MBNL3: variants seen among roughly 807,000 people sequenced by gnomAD.
MBNL3 encodes muscleblind-like protein 3.
In MBNL3, 6 loss-of-function variants were observed where a neutral mutation model predicts 24.5. That is an observed-to-expected ratio of 0.25 (90% CI 0.13 to 0.48). The LOEUF (loss-of-function observed/expected upper bound fraction) is 0.48. Ranked by LOEUF, MBNL3 falls within the 20% of genes least tolerant of loss-of-function variation. The pLI, the probability that MBNL3 is intolerant of heterozygous loss-of-function variation, is 0.99. For synonymous variants in MBNL3, 100 were observed against 101.7 expected (o/e 0.98, Z 0.10); for missense variants, 230 against 293.5 (o/e 0.78, Z 1.58).
chrX:132,455,829 G>A (rs1037783218), intron 1 of MBNL3, among the ~76,000 whole-genome samples: 13 of 111,908 alleles, frequency 1.2e-4, no homozygotes, highest in Non-Finnish European at 2.1e-4. Context: ...AAAGGCAATC[G>A]CTTGCTTCTG....
chrX:132,406,924 T>C (rs907807289), intron 2 of MBNL3, among the ~76,000 whole-genome samples: 1 of 111,911 alleles, frequency 8.9e-6, no homozygotes, highest in Non-Finnish European at 1.9e-5. Context: ...ATAAACCTTT[T>C]AAGAAAGCAC....
chrX:132,393,169 G>A (rs1357274166), intron 3 of MBNL3, among the ~76,000 whole-genome samples: 1 of 110,523 alleles, frequency 9.0e-6, no homozygotes, highest in African/African-American at 3.3e-5. Context: ...ATTTTTAAGT[G>A]TACAAGAAAT....
rs1934444048 is a variant in MBNL3 at position 132,379,330 on chromosome X, A to G, written c.*336T>C. 5.1e-6 allele frequency: 1 copy of G among 195,199 alleles called. No homozygotes were observed. Among genetic ancestry groups the G allele is most frequent in the Non-Finnish European group, 9.3e-6 (1 of 107,615 alleles). The allele number at this position is 195,199 out of a possible 1,213,427, so 16.1% of individuals were successfully genotyped here. Reference sequence around the variant, plus strand: ...CCACCAAGAATGTATATAGTAAGCCAAAAGCTCACTGTGGAAATACACTTA... The same window carrying G: ...CCACCAAGAATGTATATAGTAAGCCGAAAGCTCACTGTGGAAATACACTTA... On this transcript the variant is annotated 3_prime_UTR_variant, in exon 9 of 9. Coordinates refer to ENST00000370853, the MANE Select transcript of MBNL3 (RefSeq NM_001386889.1).
At chrX:132,416,209 T>C (rs1943277244) in intron 2 of MBNL3, among the ~76,000 whole-genome samples, 1 of 112,226 alleles carries the variant, frequency 8.9e-6, no homozygotes. Context: ...CAATTGAATA[T>C]TATTCAACCA....
rs1447483258 is a variant in MBNL3 at position 132,396,534 on chromosome X, ATATATATATTCCTATATATTCC to A, written c.343-4222_343-4201del. The stretch of plus-strand genomic sequence containing the variant: ...TTCATATATATTCATATATATATTC[ATATATATATTCCTATATATTCC>A]TATATATATTCCTATATATATTCCT... On this transcript the variant is annotated intron_variant, in intron 3 of 8. Coordinates refer to ENST00000370853, the MANE Select transcript of MBNL3 (RefSeq NM_001386889.1). Among the ~76,000 whole-genome samples, 104 of 43,692 alleles carry A rather than the reference ATATATATATTCCTATATATTCC, an allele frequency of 2.4e-3. 2 individuals are homozygous for A. The highest frequency in any genetic ancestry group is 2.7e-3 in the Admixed American group (8 of 2,914). 37.9% of individuals were successfully genotyped at this position (43,692 alleles called of 115,157 possible). A position where few individuals can be genotyped will look rare whatever the true frequency, so the allele number is the denominator to read the frequency against.
At chrX:132,425,236 G>A (rs974273565) in intron 2 of MBNL3, among the ~76,000 whole-genome samples, 1 of 111,541 alleles carries the variant, frequency 9.0e-6, no homozygotes, top group African/African-American at 3.3e-5. Context: ...CCTCAGGATC[G>A]CCTGTACAGA....
Position 132,371,957 on chromosome X carries a change from G to A in MBNL3, c.*7709C>T, listed in dbSNP as rs1480537207. On this transcript the variant is annotated 3_prime_UTR_variant, in exon 9 of 9. Transcript: ENST00000370853. ...ACTAGAGCATGAATAGCCTTCAAGT[G>A]AACTCCTAATGTGTGAATATGGATT... The A allele has an allele frequency of 4.5e-5, 5 of 110,774 alleles. No individual in the cohort carries two copies. Among genetic ancestry groups the A allele is most frequent in the Non-Finnish European group, 7.6e-5 (4 of 52,793 alleles). 9.1% of individuals were successfully genotyped at this position (110,774 alleles called of 1,213,427 possible).
At chrX:132,461,297 G>A (rs758221794) in intron 1 of MBNL3, among the ~76,000 whole-genome samples, 10 of 111,388 alleles carry the variant, frequency 9.0e-5, no homozygotes, top group Non-Finnish European at 1.3e-4. Context: ...TGAGCTTTCC[G>A]AAAGTGTTTT....
At chrX:132,424,839 T>C (rs985408233) in intron 2 of MBNL3, among the ~76,000 whole-genome samples, 2 of 109,873 alleles carry the variant, frequency 1.8e-5, no homozygotes, top group African/African-American at 6.6e-5. Flanking sequence ...ATGTCACTTT[T>C]TAAAGGTATT....
chrX:132,424,841 A>C (rs1387831132), intron 2 of MBNL3, among the ~76,000 whole-genome samples: 2 of 107,346 alleles, frequency 1.9e-5, no homozygotes, highest in Non-Finnish European at 3.8e-5. Flanking sequence ...GTCACTTTTT[A>C]AAGGTATTTC....
chrX:132,439,455 C>T lies in MBNL3; in HGVS notation c.157G>A (p.Ala53Thr). 8.3e-7 allele frequency: 1 copy of T among 1,202,053 alleles called. No homozygotes were observed. Among genetic ancestry groups the T allele is most frequent in the Non-Finnish European group, 1.1e-6 (1 of 891,396 alleles). ...VCHVENGRVVACFDSLKGRCT... is the reference protein window; with the variant it reads ...VCHVENGRVVTCFDSLKGRCT... ...CTCACCTTTAGAGAATCAAAACAGG[C>T]CACCACACGACCATTTTCCACATGG... The change falls in exon 2 of 9, where the codon GCC becomes ACC. Residue 53 changes from alanine (A) to threonine (T), a missense_variant. Coordinates refer to ENST00000370853, the MANE Select transcript of MBNL3 (RefSeq NM_001386889.1).
chrX:132,409,660 C>G (rs1024684383), intron 2 of MBNL3, among the ~76,000 whole-genome samples: 1 of 111,591 alleles, frequency 9.0e-6, no homozygotes, highest in Non-Finnish European at 1.9e-5. Context: ...TTAAACGACT[C>G]TGTAAACGTA....
At chrX:132,451,200 C>T (rs193136142) in intron 1 of MBNL3, among the ~76,000 whole-genome samples, 2 of 112,790 alleles carry the variant, frequency 1.8e-5, no homozygotes, top group African/African-American at 3.2e-5. Flanking sequence ...AAGCACTGTG[C>T]TGGGAGATCT....
chrX:132,402,548 T>C (rs1425883805), intron 3 of MBNL3, among the ~76,000 whole-genome samples: 1 of 111,976 alleles, frequency 8.9e-6, no homozygotes, highest in Non-Finnish European at 1.9e-5. Flanking sequence ...CTTCAACTTA[T>C]ACTTTTTTGC....
chrX:132,423,915 C>G (rs993760541), intron 2 of MBNL3, among the ~76,000 whole-genome samples: 2 of 111,837 alleles, frequency 1.8e-5, no homozygotes, highest in East Asian at 5.6e-4. Context: ...TTAGCCCCTT[C>G]TCTTGTTGAC....
intron 1 of MBNL3, among the ~76,000 whole-genome samples, chrX:132,450,951 C>T (rs187686487): frequency 8.5e-4 from 95 of 112,360 alleles, no homozygotes; most frequent in African/African-American, 2.9e-3. Flanking sequence ...TTGGAGTTTA[C>T]TGGAGGTCCA....
chrX:132,401,488 G>A (rs1431049970), intron 3 of MBNL3, among the ~76,000 whole-genome samples: 1 of 108,839 alleles, frequency 9.2e-6, no homozygotes, highest in Non-Finnish European at 1.9e-5. Context: ...ATGTGCACCT[G>A]TAGTCCCAGC....
chrX:132,486,580 CTCT>C (rs1948021363), intron 1 of MBNL3, among the ~76,000 whole-genome samples: 2 of 112,367 alleles, frequency 1.8e-5, no homozygotes, highest in Admixed American at 9.4e-5. Context: ...GTACATTCTA[CTCT>C]TCTTTGAATG....
intron 1 of MBNL3, among the ~76,000 whole-genome samples, chrX:132,474,790 T>A (rs1947354480): frequency 9.0e-6 from 1 of 111,152 alleles, no homozygotes; most frequent in Non-Finnish European, 1.9e-5. Context: ...AGTTCCAACA[T>A]ATCTCATCCT....
Sources: allele counts gnomAD v4.1 joint callset (sites outside exome capture counted in the v4.1 genomes callset), GRCh38; gene constraint gnomAD v4.1.1; transcripts MANE v1.5; gene names NCBI Gene and HGNC (gene_info 2026-07-23, HGNC 2026-07-21).